THSD7B: variants seen among roughly 807,000 people sequenced by gnomAD.
THSD7B encodes the protein thrombospondin type-1 domain-containing protein 7B.
In THSD7B, 138 loss-of-function variants were observed where a neutral mutation model predicts 213.6. The observed-to-expected ratio is 0.65, with a 90% CI of 0.56 to 0.74. THSD7B has a LOEUF of 0.74. Among genes scored for constraint, THSD7B ranks in the 30% least tolerant of loss-of-function variants. The pLI, the probability that THSD7B is intolerant of heterozygous loss-of-function variation, is 0.00. For missense variants in THSD7B, 1,931 were observed against 1,991.5 expected (o/e 0.97, Z 0.58); for synonymous variants, 742 against 687.0 (o/e 1.08, Z -1.25).
intron 20 of THSD7B, among the ~76,000 whole-genome samples, chr2:137,635,771 C>A (rs1373676220): frequency 6.6e-6 from 1 of 150,938 alleles, no homozygotes; most frequent in Non-Finnish European, 1.5e-5. Context: ...GTGGCACGAT[C>A]TTGGCTCACT....
intron 27 of THSD7B, among the ~76,000 whole-genome samples, chr2:137,671,883 C>T (rs1008450078): frequency 6.6e-6 from 1 of 152,104 alleles, no homozygotes; most frequent in Non-Finnish European, 1.5e-5. Flanking sequence ...GTTCATTAAT[C>T]CCTGTAAAAC....
intron 20 of THSD7B, among the ~76,000 whole-genome samples, chr2:137,622,898 T>C (rs1382389859): frequency 6.6e-6 from 1 of 152,146 alleles, no homozygotes; most frequent in African/African-American, 2.4e-5. Flanking sequence ...CTACCAGAGA[T>C]ACAAAGAGGA....
At position 137,275,538 on chromosome 2, in the gene THSD7B, G is replaced by GT. The variant is rs1051644970; in HGVS notation, c.2397-372dup. Among the ~76,000 whole-genome samples, 1,233 of 135,934 alleles carry GT rather than the reference G, an allele frequency of 9.1e-3. 8 individuals carry two copies. Among genetic ancestry groups the GT allele is most frequent in the African/African-American group, 0.017 (629 of 37,284 alleles). 89.2% of individuals were successfully genotyped at this position (135,934 alleles called of 152,430 possible). A position where few individuals can be genotyped will look rare whatever the true frequency, so the allele number is the denominator to read the frequency against. ...TTTCTCTCTCTTGTTTTCTTGTATT[G>GT]TTTTTTTTTTTTTGGAAACAATTTT... On this transcript the variant is annotated intron_variant, in intron 11 of 27. Coordinates refer to ENST00000409968, the MANE Select transcript of THSD7B (RefSeq NM_001316349.2).
intron 17 of THSD7B, among the ~76,000 whole-genome samples, chr2:137,606,841 A>G (rs1247880849): frequency 6.6e-6 from 1 of 152,150 alleles, no homozygotes; most frequent in Non-Finnish European, 1.5e-5. Context: ...AAGTGAAAGG[A>G]GAGAGGGAAA....
At chr2:136,915,357 T>C (rs1190927049) in intron 2 of THSD7B, among the ~76,000 whole-genome samples, 2 of 152,216 alleles carry the variant, frequency 1.3e-5, no homozygotes, top group Non-Finnish European at 2.9e-5. Flanking sequence ...GCACCTCCTC[T>C]ATCAGGTGTA....
chr2:136,868,118 G>GTGCA (rs1553454253), intron 1 of THSD7B, among the ~76,000 whole-genome samples: 3 of 137,884 alleles, frequency 2.2e-5, no homozygotes, highest in Non-Finnish European at 5.0e-5. Flanking sequence ...ACACACGCGC[G>GTGCA]CGCACACACA....
chr2:137,565,694 C>T (rs756485268), intron 16 of THSD7B, among the ~76,000 whole-genome samples: 3 of 152,230 alleles, frequency 2.0e-5, no homozygotes, highest in Middle Eastern at 3.4e-3. Context: ...AAGCTTCTGG[C>T]GAGGGCTTTT....
At chr2:136,869,671 C>A (rs555602696) in intron 1 of THSD7B, among the ~76,000 whole-genome samples, 5 of 152,308 alleles carry the variant, frequency 3.3e-5, no homozygotes, top group African/African-American at 1.2e-4. Context: ...AATTTCATTC[C>A]TTTCCCACAA....
chr2:137,526,247 G>A (rs768089958), intron 15 of THSD7B, among the ~76,000 whole-genome samples: 10 of 152,056 alleles, frequency 6.6e-5, no homozygotes, highest in African/African-American at 9.7e-5. Context: ...TTTTTGAAAA[G>A]TAAAATATTA....
intron 2 of THSD7B, among the ~76,000 whole-genome samples, chr2:136,932,011 A>T (rs1457647414): frequency 6.6e-6 from 1 of 152,136 alleles, no homozygotes; most frequent in Non-Finnish European, 1.5e-5. Context: ...TATTTAACAT[A>T]GATAGGACTG....
chr2:136,975,381 T>A (rs1685464285), intron 2 of THSD7B, among the ~76,000 whole-genome samples: 1 of 152,182 alleles, frequency 6.6e-6, no homozygotes, highest in Admixed American at 6.5e-5. Flanking sequence ...AAGGAAGGGG[T>A]CTGGTTTCAA....
chr2:136,842,552 C>T (rs762945792), intron 1 of THSD7B, among the ~76,000 whole-genome samples: 1 of 152,184 alleles, frequency 6.6e-6, no homozygotes, highest in Non-Finnish European at 1.5e-5. Flanking sequence ...TAGTTTCTAT[C>T]TCAGGGTTAT....
intron 2 of THSD7B, among the ~76,000 whole-genome samples, chr2:136,986,629 A>G (rs565071095): frequency 5.3e-5 from 8 of 152,352 alleles, no homozygotes; most frequent in African/African-American, 1.9e-4. Flanking sequence ...AAGCTTCTAA[A>G]GGTAGAGATA....
At chr2:137,070,035 T>A (rs1346292598) in intron 3 of THSD7B, among the ~76,000 whole-genome samples, 1 of 151,776 alleles carries the variant, frequency 6.6e-6, no homozygotes, top group Non-Finnish European at 1.5e-5. Flanking sequence ...TTTGTACATA[T>A]TGAACATTAA....
intron 2 of THSD7B, among the ~76,000 whole-genome samples, chr2:136,996,984 T>G (rs529048868): frequency 3.3e-5 from 5 of 152,328 alleles, no homozygotes; most frequent in African/African-American, 1.2e-4. Flanking sequence ...CTTAAATACA[T>G]ATTGCCAAAA....
intron 2 of THSD7B, among the ~76,000 whole-genome samples, chr2:136,915,226 G>T (rs1166776310): frequency 1.3e-5 from 2 of 152,154 alleles, no homozygotes; most frequent in African/African-American, 4.8e-5. Context: ...GCTCTGAAAT[G>T]AGTTAAGGGA....
At chr2:136,885,379 G>T (rs576582344) in intron 2 of THSD7B, among the ~76,000 whole-genome samples, 3 of 152,078 alleles carry the variant, frequency 2.0e-5, no homozygotes, top group Non-Finnish European at 4.4e-5. Flanking sequence ...TGTTTTTTAG[G>T]ATTTCCATAC....
intron 12 of THSD7B, among the ~76,000 whole-genome samples, chr2:137,364,080 G>T (rs1685342780): frequency 2.0e-5 from 3 of 152,142 alleles, no homozygotes; most frequent in African/African-American, 7.2e-5. Flanking sequence ...TGCAAGGCTG[G>T]TTCAACATAC....
At chr2:137,228,506 T>C (rs115528720) in intron 7 of THSD7B, among the ~76,000 whole-genome samples, 2,911 of 152,290 alleles carry the variant, frequency 0.019, 57 homozygotes, top group Non-Finnish European at 0.028. Context: ...TGTTTCAGTC[T>C]AGATCATTTG....
Sources: gnomAD v4.1 joint callset for allele counts (sites outside exome capture counted in the v4.1 genomes callset) on GRCh38, gnomAD v4.1.1 for gene constraint, MANE v1.5 for transcripts, NCBI Gene and HGNC (gene_info 2026-07-23, HGNC 2026-07-21) for gene names.